Variants in SDC2 observed in about 807,000 individuals in gnomAD.
SDC2 encodes syndecan 2, also known as syndecan-2.
In SDC2, 13 loss-of-function variants were observed where a neutral mutation model predicts 22.2. The ratio of observed to expected loss-of-function variants is 0.59; its 90% CI spans 0.38 to 0.93. The LOEUF is 0.93. Among genes scored for constraint, SDC2 ranks in the 40% least tolerant of loss-of-function variants. SDC2 has a pLI of 0.00. For missense variants in SDC2, 235 were observed against 246.8 expected (o/e 0.95, Z 0.32); for synonymous variants, 94 against 92.8 (o/e 1.01, Z -0.07).
At chr8:96,533,524 T>C (rs1813700976) in intron 1 of SDC2, among the ~76,000 whole-genome samples, 1 of 152,054 alleles carries the variant, frequency 6.6e-6, no homozygotes, top group African/African-American at 2.4e-5. Context: ...TACAATCTCT[T>C]AGCTAGACGT....
intron 2 of SDC2, among the ~76,000 whole-genome samples, chr8:96,596,863 G>C (rs984947150): frequency 7.9e-5 from 12 of 152,308 alleles, no homozygotes; most frequent in African/African-American, 2.9e-4. Context: ...TCAGAAGGCC[G>C]AGTTAGTTCG....
At chr8:96,553,595 TC>T (rs1563658953) in intron 1 of SDC2, among the ~76,000 whole-genome samples, 1 of 152,088 alleles carries the variant, frequency 6.6e-6, no homozygotes, top group Non-Finnish European at 1.5e-5. Context: ...ATTTTTTTTT[TC>T]TTGCTATTTT....
chr8:96,494,541 C>T (rs1037627937), intron 1 of SDC2, among the ~76,000 whole-genome samples: 2 of 152,206 alleles, frequency 1.3e-5, no homozygotes, highest in African/African-American at 2.4e-5. Flanking sequence ...ACCCCGCGGT[C>T]CGCGGGAATG....
chr8:96,499,460 A>T (rs1813126723), intron 1 of SDC2, among the ~76,000 whole-genome samples: 1 of 152,182 alleles, frequency 6.6e-6, no homozygotes, highest in African/African-American at 2.4e-5. Flanking sequence ...TTACCCCTTA[A>T]TTATGTGCTA....
At chr8:96,562,094 C>T (rs1240031309) in intron 1 of SDC2, among the ~76,000 whole-genome samples, 1 of 152,134 alleles carries the variant, frequency 6.6e-6, no homozygotes, top group Non-Finnish European at 1.5e-5. Context: ...TGATTTCCCC[C>T]CCATTGATCT....
chr8:96,603,578 C>T (rs1050755539), intron 3 of SDC2, among the ~76,000 whole-genome samples: 12 of 152,294 alleles, frequency 7.9e-5, no homozygotes, highest in East Asian at 1.9e-4. Context: ...ATGAAGGTGG[C>T]GACAGGCCTT....
chr8:96,515,527 T>A (rs1813389122), intron 1 of SDC2, among the ~76,000 whole-genome samples: 1 of 152,142 alleles, frequency 6.6e-6, no homozygotes, highest in Non-Finnish European at 1.5e-5. Flanking sequence ...AGTTCCACTG[T>A]AGAGGGAAAA....
At chr8:96,530,495 G>T (rs892710555) in intron 1 of SDC2, among the ~76,000 whole-genome samples, 3 of 152,086 alleles carry the variant, frequency 2.0e-5, no homozygotes, top group Non-Finnish European at 4.4e-5. Flanking sequence ...TTAGCTGGAC[G>T]TGTTAGCGGG....
rs994002582 is a variant in SDC2 at position 96,610,226 on chromosome 8, A to G, written c.*678A>G. ...ATTATTACTACAAAACCGTTTAGTC[A>G]TATCTATCTAATCAGATCTTCTTTT... On this transcript the variant is annotated 3_prime_UTR_variant, in exon 5 of 5. Coordinates refer to ENST00000302190, the MANE Select transcript of SDC2 (RefSeq NM_002998.4). 2.0e-5 allele frequency: 3 copies of G among 152,634 alleles called. No individual in the cohort carries two copies. The highest frequency in any genetic ancestry group is 6.5e-5 in the Admixed American group (1 of 15,272). 9.5% of individuals were successfully genotyped at this position (152,634 alleles called of 1,614,324 possible).
Position 96,609,367 on chromosome 8 carries a change from TC to T in SDC2, c.443-16del. ...CCTTGAATCTCTTCTAAAGTAATCT[TC>T]CTTTTGGTTGTTTCAGCTGTCATTG... On this transcript the variant is annotated splice_polypyrimidine_tract_variant and intron_variant, in intron 4 of 4. Transcript: ENST00000302190. The T allele has an allele frequency of 6.2e-7, 1 of 1,603,602 alleles. No homozygotes were observed. The highest frequency in any genetic ancestry group is 8.5e-7 in the Non-Finnish European group (1 of 1,174,598).
chr8:96,508,295 CAAA>C (rs1813274688), intron 1 of SDC2, among the ~76,000 whole-genome samples: 2 of 111,272 alleles, frequency 1.8e-5, no homozygotes, highest in African/African-American at 3.6e-5. Flanking sequence ...GACTCCGTCT[CAAA>C]TAATAATAAT....
intron 1 of SDC2, among the ~76,000 whole-genome samples, chr8:96,562,264 C>G (rs1205684260): frequency 2.6e-5 from 4 of 152,208 alleles, no homozygotes; most frequent in African/African-American, 9.7e-5. Flanking sequence ...AGTCCTTTCT[C>G]CATTGTATTG....
Position 96,506,901 on chromosome 8 carries a change from C to T in SDC2, c.60+12570C>T, listed in dbSNP as rs556767338. ...GCGGGCGCCTGTAGTCCCAGCTACT[C>T]GGGAGGCTGAGGTGGGAGTATGGCG... On this transcript the variant is annotated intron_variant, in intron 1 of 4. Coordinates refer to ENST00000302190, the MANE Select transcript of SDC2 (RefSeq NM_002998.4). Among the ~76,000 whole-genome samples, 15 of 150,544 alleles carry T rather than the reference C, an allele frequency of 1.0e-4. No individual in the cohort carries two copies. The South Asian group carries it at 1.9e-3, about 19-fold the overall frequency.
At chr8:96,499,150 C>T (rs1813121550) in intron 1 of SDC2, among the ~76,000 whole-genome samples, 1 of 152,212 alleles carries the variant, frequency 6.6e-6, no homozygotes, top group Non-Finnish European at 1.5e-5. Context: ...ACTCCCTGGA[C>T]ATTGCTACTT....
At chr8:96,583,732 A>T (rs892725671) in intron 1 of SDC2, among the ~76,000 whole-genome samples, 1 of 149,792 alleles carries the variant, frequency 6.7e-6, no homozygotes, top group African/African-American at 2.5e-5. Flanking sequence ...TATATATATG[A>T]GAAATTGCAA....
At chr8:96,508,915 A>T (rs1272690173) in intron 1 of SDC2, among the ~76,000 whole-genome samples, 1 of 142,398 alleles carries the variant, frequency 7.0e-6, no homozygotes, top group African/African-American at 2.5e-5. Context: ...TCAAATCATG[A>T]AGTATCTAAT....
At chr8:96,499,956 C>CAGAT (rs1313108499) in intron 1 of SDC2, among the ~76,000 whole-genome samples, 2 of 152,106 alleles carry the variant, frequency 1.3e-5, no homozygotes, top group Admixed American at 1.3e-4. Flanking sequence ...TGCTGAAGTG[C>CAGAT]AGATACCCGT....
rs540365237 is a variant in SDC2 at position 96,523,326 on chromosome 8, T to C, written c.60+28995T>C. ...CTGTGGAAGTAGTTCATGAATCCTTTAGATTTCTTGGAAGAGGAAAGATGA... is the reference window on the plus strand; with the variant it reads ...CTGTGGAAGTAGTTCATGAATCCTTCAGATTTCTTGGAAGAGGAAAGATGA... On this transcript the variant is annotated intron_variant, in intron 1 of 4. Coordinates refer to ENST00000302190, the MANE Select transcript of SDC2 (RefSeq NM_002998.4). Among the ~76,000 whole-genome samples, 57 of 152,310 alleles carry C rather than the reference T, an allele frequency of 3.7e-4. No individual in the cohort carries two copies. The South Asian group carries it at 0.012, about 31-fold the overall frequency.
At chr8:96,580,682 G>C (rs1252338661) in intron 1 of SDC2, 1 of 213,982 alleles carries the variant, frequency 4.7e-6, no homozygotes, top group East Asian at 1.8e-4. Context: ...TGGGCTTCCA[G>C]AGTTTAACTC....
Sources: gnomAD v4.1 joint callset for allele counts (sites outside exome capture counted in the v4.1 genomes callset) on GRCh38, gnomAD v4.1.1 for gene constraint, MANE v1.5 for transcripts, NCBI Gene and HGNC (gene_info 2026-07-23, HGNC 2026-07-21) for gene names.